The following CNTNAP2 variants were observed in gnomAD, a reference collection of about 807,000 sequenced individuals.
CNTNAP2 encodes the protein contactin associated protein 2, also known as contactin-associated protein-like 2.
In CNTNAP2, 98 loss-of-function variants were observed where a neutral mutation model predicts 155.2. The observed-to-expected ratio is 0.63, with a 90% CI of 0.54 to 0.75. CNTNAP2 has a LOEUF of 0.75. CNTNAP2 is among the 30% of genes least tolerant of loss of function. The probability of loss-of-function intolerance (pLI) is 0.00; values close to 1 mark genes in which losing one functional copy is unlikely to be tolerated. For missense variants in CNTNAP2, 1,727 were observed against 1,688.1 expected, an observed-to-expected ratio of 1.02 and a Z score of -0.40; for synonymous variants, 651 against 631.2, an observed-to-expected ratio of 1.03 and a Z score of -0.47.
chr7:146,122,037 C>A (rs906847359), intron 1 of CNTNAP2, among the ~76,000 whole-genome samples: 1 of 152,162 alleles, frequency 6.6e-6, no homozygotes, highest in African/African-American at 2.4e-5. Context: ...CTTTCTCCAT[C>A]CTAACAGTTC....
chr7:148,152,718 C>A (rs1027709951), intron 17 of CNTNAP2, among the ~76,000 whole-genome samples: 1 of 152,120 alleles, frequency 6.6e-6, no homozygotes, highest in Non-Finnish European at 1.5e-5. Context: ...AATTATCATC[C>A]TTGCTTTAAA....
chr7:146,166,372 C>A (rs755453089), intron 1 of CNTNAP2, among the ~76,000 whole-genome samples: 8 of 152,074 alleles, frequency 5.3e-5, no homozygotes, highest in Non-Finnish European at 8.8e-5. Context: ...GGATTACAGG[C>A]GTGAGCCACC....
chr7:147,601,672 TATAC>T (rs1208192304), intron 12 of CNTNAP2, among the ~76,000 whole-genome samples: 1 of 143,940 alleles, frequency 6.9e-6, no homozygotes, highest in Admixed American at 7.0e-5. Flanking sequence ...TATATATATA[TATAC>T]ACACCATCAT....
intron 17 of CNTNAP2, among the ~76,000 whole-genome samples, chr7:148,160,015 A>G (rs1338001432): frequency 6.6e-6 from 1 of 152,088 alleles, no homozygotes; most frequent in Non-Finnish European, 1.5e-5. Flanking sequence ...GAGGTAGGCA[A>G]ATCTCTTGTG....
At chr7:147,079,747 C>T (rs1310844958) in intron 4 of CNTNAP2, among the ~76,000 whole-genome samples, 1 of 151,964 alleles carries the variant, frequency 6.6e-6, no homozygotes, top group East Asian at 1.9e-4. Context: ...AGTATATAAT[C>T]TGTGTGCTAT....
At chr7:146,977,920 T>C (rs1210439677) in intron 3 of CNTNAP2, among the ~76,000 whole-genome samples, 2 of 152,054 alleles carry the variant, frequency 1.3e-5, no homozygotes, top group Non-Finnish European at 2.9e-5. Context: ...CCACACACAT[T>C]TGGCTTAAAA....
intron 3 of CNTNAP2, among the ~76,000 whole-genome samples, chr7:146,956,415 G>A (rs1392635589): frequency 6.6e-6 from 1 of 152,072 alleles, no homozygotes; most frequent in Non-Finnish European, 1.5e-5. Flanking sequence ...GTTTCCTCTT[G>A]AATCTGAGCA....
At chr7:147,484,248 T>C (rs1172598250) in intron 10 of CNTNAP2, among the ~76,000 whole-genome samples, 1 of 152,152 alleles carries the variant, frequency 6.6e-6, no homozygotes, top group Non-Finnish European at 1.5e-5. Flanking sequence ...GAATTTTCCA[T>C]CCCTCATGAT....
intron 15 of CNTNAP2, among the ~76,000 whole-genome samples, chr7:148,012,216 A>C (rs1173927714): frequency 2.0e-5 from 3 of 152,164 alleles, no homozygotes; most frequent in Non-Finnish European, 4.4e-5. Flanking sequence ...CATCATACCC[A>C]ACCCTTCCCC....
At chr7:147,670,361 T>C (rs979620262) in intron 13 of CNTNAP2, among the ~76,000 whole-genome samples, 2 of 152,168 alleles carry the variant, frequency 1.3e-5, no homozygotes, top group African/African-American at 4.8e-5. Context: ...AGAGAAATTC[T>C]AGGCAGAAAA....
chr7:146,776,326 G>A (rs1328878985), intron 2 of CNTNAP2, among the ~76,000 whole-genome samples: 9 of 152,150 alleles, frequency 5.9e-5, no homozygotes, highest in Non-Finnish European at 1.3e-4. Flanking sequence ...GTGAAAATAC[G>A]ACTGAAGAAG....
chr7:146,825,221 A>C (rs1223798700), intron 2 of CNTNAP2, among the ~76,000 whole-genome samples: 2 of 152,134 alleles, frequency 1.3e-5, no homozygotes, highest in African/African-American at 4.8e-5. Flanking sequence ...CCAAGTATAC[A>C]TATGCCAAAA....
chr7:146,607,869 A>C (rs1799073493), intron 1 of CNTNAP2, among the ~76,000 whole-genome samples: 1 of 152,024 alleles, frequency 6.6e-6, no homozygotes, highest in Admixed American at 6.6e-5. Flanking sequence ...GTGCTTCCAA[A>C]ATCTTCTGAA....
At chr7:147,463,816 A>G (rs575325932) in intron 10 of CNTNAP2, among the ~76,000 whole-genome samples, 1 of 152,234 alleles carries the variant, frequency 6.6e-6, no homozygotes, top group Non-Finnish European at 1.5e-5. Context: ...ATAACAAAAC[A>G]GTAGTAATTG....
At chr7:148,093,984 C>A (rs1445212623) in intron 15 of CNTNAP2, among the ~76,000 whole-genome samples, 1 of 152,184 alleles carries the variant, frequency 6.6e-6, no homozygotes, top group Non-Finnish European at 1.5e-5. Context: ...TCTCAAACTC[C>A]TGAGCTCAAG....
intron 21 of CNTNAP2, 33 bp from the exon 22 acceptor site, chr7:148,383,616 C>G: frequency 6.2e-7 from 1 of 1,614,118 alleles, no homozygotes; most frequent in Non-Finnish European, 8.5e-7. Context: ...TATGGTGAGT[C>G]AAGTAACATT....
chr7:146,224,441 A>AC (rs1799258007), intron 1 of CNTNAP2, among the ~76,000 whole-genome samples: 2 of 151,128 alleles, frequency 1.3e-5, no homozygotes, highest in Non-Finnish European at 3.0e-5. Context: ...TAAAAAAAAA[A>AC]AAAACCCAAA....
intron 8 of CNTNAP2, among the ~76,000 whole-genome samples, chr7:147,283,984 C>T (rs1805115210): frequency 6.6e-6 from 1 of 151,704 alleles, no homozygotes; most frequent in Admixed American, 6.6e-5. Flanking sequence ...ACGAGTCCTA[C>T]ATTTTCCACA....
intron 19 of CNTNAP2, among the ~76,000 whole-genome samples, chr7:148,220,007 G>A (rs1259639401): frequency 6.6e-6 from 1 of 152,148 alleles, no homozygotes; most frequent in African/African-American, 2.4e-5. Flanking sequence ...AAAAGATGGA[G>A]GAAAAAGTAT....
Sources: allele counts gnomAD v4.1 joint callset (sites outside exome capture counted in the v4.1 genomes callset), GRCh38; gene constraint gnomAD v4.1.1; transcripts MANE v1.5; gene names NCBI Gene and HGNC (gene_info 2026-07-23, HGNC 2026-07-21).